Variants in GPC5 observed in about 807,000 individuals in gnomAD.
GPC5 encodes the protein glypican-5.
Under a neutral mutation model 53.9 loss-of-function variants are expected in GPC5, and 47 were observed. That is an observed-to-expected ratio of 0.87 (90% CI 0.69 to 1.11). The LOEUF is 1.11. Ranked by LOEUF, GPC5 falls within the 50% of genes most tolerant of loss-of-function variation. The probability of loss-of-function intolerance (pLI) is 0.00; values close to 1 mark genes in which losing one functional copy is unlikely to be tolerated. For missense variants in GPC5, 748 were observed against 713.1 expected (o/e 1.05, Z -0.56); for synonymous variants, 286 against 263.3 (o/e 1.09, Z -0.84).
chr13:92,227,831 TAATA>T (rs1257983785), intron 7 of GPC5, among the ~76,000 whole-genome samples: 4 of 152,072 alleles, frequency 2.6e-5, no homozygotes, highest in Non-Finnish European at 5.9e-5. Context: ...GTACAATAGG[TAATA>T]AATAAGGTAT....
intron 7 of GPC5, among the ~76,000 whole-genome samples, chr13:92,157,775 T>G (rs1593941635): frequency 1.3e-5 from 2 of 152,184 alleles, no homozygotes; most frequent in East Asian, 3.9e-4. Flanking sequence ...CCTCCCCTTT[T>G]CATATTTTAT....
At chr13:92,855,805 A>G (rs1878978224) in intron 7 of GPC5, among the ~76,000 whole-genome samples, 1 of 152,088 alleles carries the variant, frequency 6.6e-6, no homozygotes, top group Admixed American at 6.6e-5. Flanking sequence ...AATCAGGAAG[A>G]AAGTGAAATC....
intron 2 of GPC5, among the ~76,000 whole-genome samples, chr13:91,498,163 T>C (rs1188613617): frequency 1.3e-5 from 2 of 151,584 alleles, no homozygotes; most frequent in African/African-American, 4.8e-5. Flanking sequence ...ACACGCCTGG[T>C]TTTGTCTTGG....
chr13:91,432,230 T>TGTGG (rs894258454), intron 1 of GPC5, among the ~76,000 whole-genome samples: 1 of 150,588 alleles, frequency 6.6e-6, no homozygotes, highest in African/African-American at 2.5e-5. Flanking sequence ...TGTGTGTGTG[T>TGTGG]GTGTGTGTGT....
intron 6 of GPC5, among the ~76,000 whole-genome samples, chr13:92,004,478 A>ATATAT (rs1300550715): frequency 1.5e-5 from 2 of 136,114 alleles, no homozygotes; most frequent in African/African-American, 5.6e-5. Flanking sequence ...ATATATATAT[A>ATATAT]TATATATATA....
intron 2 of GPC5, among the ~76,000 whole-genome samples, chr13:91,625,946 C>T (rs1196853260): frequency 6.6e-6 from 1 of 152,008 alleles, no homozygotes; most frequent in Non-Finnish European, 1.5e-5. Context: ...CAATTTTAAG[C>T]AGATATTTAG....
chr13:91,792,877 GTC>G (rs1434580276), intron 5 of GPC5, among the ~76,000 whole-genome samples: 1 of 152,148 alleles, frequency 6.6e-6, no homozygotes, highest in East Asian at 1.9e-4. Flanking sequence ...TGCCGCGTGA[GTC>G]TCTCTGAATA....
chr13:91,794,120 CCT>C (rs1157759662), intron 5 of GPC5, among the ~76,000 whole-genome samples: 1 of 151,936 alleles, frequency 6.6e-6, no homozygotes, highest in Non-Finnish European at 1.5e-5. Flanking sequence ...CAGCATTATT[CCT>C]CTGTTTTATT....
intron 6 of GPC5, among the ~76,000 whole-genome samples, chr13:91,916,135 T>TA (rs1480067580): frequency 6.6e-6 from 1 of 152,118 alleles, no homozygotes; most frequent in African/African-American, 2.4e-5. Flanking sequence ...TAGTGTATAA[T>TA]AAAAATGACA....
rs1227458939 is a variant in GPC5 at position 92,195,094 on chromosome 13, A to G, written c.1561+50105A>G. 2.6e-5 allele frequency among the ~76,000 whole-genome samples: 4 copies of G among 152,208 alleles called. 1 individual carries two copies. Among genetic ancestry groups the G allele is most frequent in the Non-Finnish European group, 5.9e-5 (4 of 68,036 alleles). ...ATAAGAATTGACAATGAATCTGAAA[A>G]TCAAGCCACTAAGACTGCATGGCCC... On this transcript the variant is annotated intron_variant, in intron 7 of 7. Transcript: ENST00000377067.
At chr13:92,035,755 T>TAAAAAAAAAAAAAA (rs67401983) in intron 6 of GPC5, among the ~76,000 whole-genome samples, 1 of 129,492 alleles carries the variant, frequency 7.7e-6, no homozygotes, top group Non-Finnish European at 1.6e-5. Context: ...GAGGAAATGT[T>TAAAAAAAAAAAAAA]AAAAAAAAAA....
At chr13:92,029,505 C>G (rs574602213) in intron 6 of GPC5, among the ~76,000 whole-genome samples, 1 of 152,200 alleles carries the variant, frequency 6.6e-6, no homozygotes, top group Admixed American at 6.5e-5. Context: ...TGGACAACTT[C>G]TCGGGTTCAA....
At chr13:92,340,612 A>G (rs1376304086) in intron 7 of GPC5, 1 of 152,298 alleles carries the variant, frequency 6.6e-6, no homozygotes. Flanking sequence ...TTTTACTTGG[A>G]AACATTCCCT....
chr13:92,085,804 G>T (rs1386961162), intron 6 of GPC5, among the ~76,000 whole-genome samples: 1 of 152,074 alleles, frequency 6.6e-6, no homozygotes, highest in East Asian at 1.9e-4. Context: ...TGACAGTAGG[G>T]TTCATACTCC....
At chr13:92,289,041 T>A (rs1415196836) in intron 7 of GPC5, among the ~76,000 whole-genome samples, 2 of 151,038 alleles carry the variant, frequency 1.3e-5, no homozygotes, top group Non-Finnish European at 2.9e-5. Context: ...CCATGTTTTC[T>A]TGCTTTTAAT....
chr13:92,130,164 T>C (rs1159019970), intron 6 of GPC5, among the ~76,000 whole-genome samples: 1 of 152,012 alleles, frequency 6.6e-6, no homozygotes, highest in East Asian at 1.9e-4. Context: ...TAAAATTTAA[T>C]AACCAGTGAA....
intron 5 of GPC5, among the ~76,000 whole-genome samples, chr13:91,794,231 G>T (rs1286418825): frequency 6.6e-6 from 1 of 152,062 alleles, no homozygotes; most frequent in Non-Finnish European, 1.5e-5. Context: ...TTGAACTAAG[G>T]ACTTTTTATC....
intron 7 of GPC5, among the ~76,000 whole-genome samples, chr13:92,425,273 C>A (rs1035527660): frequency 5.9e-5 from 9 of 151,898 alleles, no homozygotes; most frequent in African/African-American, 1.9e-4. Flanking sequence ...AAGTTAAATA[C>A]AAATGTAAAT....
chr13:92,064,057 ATATAGCTAAGAGTTCTT>A (rs2041145467), intron 6 of GPC5, among the ~76,000 whole-genome samples: 1 of 152,204 alleles, frequency 6.6e-6, no homozygotes, highest in Non-Finnish European at 1.5e-5. Context: ...TTTGGAATAA[ATATAGCTAAGAGTTCTT>A]TATCACCATT....
Sources: allele counts gnomAD v4.1 joint callset (sites outside exome capture counted in the v4.1 genomes callset), GRCh38; gene constraint gnomAD v4.1.1; transcripts MANE v1.5; gene names NCBI Gene and HGNC (gene_info 2026-07-23, HGNC 2026-07-21).